SCYL1: variants seen among roughly 807,000 people sequenced by gnomAD.
The protein encoded by SCYL1 is N-terminal kinase-like protein.
In SCYL1, 85 loss-of-function variants were observed where a neutral mutation model predicts 94.8. That is an observed-to-expected ratio of 0.90 (90% CI 0.75 to 1.07). The LOEUF (loss-of-function observed/expected upper bound fraction) is 1.07. SCYL1 is among the 50% of genes least tolerant of loss of function. SCYL1 has a pLI of 0.00. For missense variants in SCYL1, 968 were observed against 1,083.3 expected, an observed-to-expected ratio of 0.89 and a Z score of 1.49; for synonymous variants, 459 against 435.5, an observed-to-expected ratio of 1.05 and a Z score of -0.67.
chr11:65,531,583 A>G lies in SCYL1; in HGVS notation c.1016A>G (p.Lys339Arg), dbSNP rs779972377. Residue 339 changes from lysine to arginine, a missense_variant, in exon 8 of 18, where the codon AAG becomes AGG. Lys to Arg is a conservative substitution (Grantham distance 26). This residue lies in a region of SCYL1 where 494 missense variants were observed against 619.7 expected (regional missense o/e 0.80). Transcript: ENST00000270176. ...ATCTTCCTGCCCTTTCAGGTGGGCA[A>G]GTTCCTGAGCGCTGAGGAGTATCAG... ...VVLTPLFKVGKFLSAEEYQQK... is the reference protein window; with the variant it reads ...VVLTPLFKVGRFLSAEEYQQK... 1.2e-6 allele frequency: 2 copies of G among 1,613,592 alleles called. No homozygotes were observed. Among genetic ancestry groups the G allele is most frequent in the Admixed American group, 3.3e-5 (2 of 60,008 alleles).
In SCYL1 at chr11:65,535,942, C is replaced by T. The variant is rs1306336841; in HGVS notation, c.1387-11C>T. 1.9e-6 allele frequency: 3 copies of T among 1,562,870 alleles called. No individual in the cohort carries two copies. The highest frequency in any genetic ancestry group is 1.4e-5 in the African/African-American group (1 of 73,342). ...CTACACTCAGGAGCCCTCTTTCCTG[C>T]CCCATCGTAGACCAGACACAGGGTC... On this transcript the variant is annotated splice_polypyrimidine_tract_variant and intron_variant, in intron 10 of 17. Transcript: ENST00000270176.
At chr11:65,531,426 A>G in intron 7 of SCYL1, 150 bp from the exon 8 acceptor site, 1 of 648,470 alleles carries the variant, frequency 1.5e-6, no homozygotes, top group Non-Finnish European at 2.8e-6. Flanking sequence ...GAGATGGAAT[A>G]TGGGTAGAGG....
At chr11:65,536,895 G>A in intron 13 of SCYL1, 91 bp from the exon 14 acceptor site, 2 of 1,266,620 alleles carry the variant, frequency 1.6e-6, no homozygotes, top group Non-Finnish European at 2.3e-6. Context: ...GGCTTCCTTG[G>A]TGCCCCTTCC....
rs1565067150 is a variant in SCYL1, at chr11:65,525,954, G to A, written c.286G>A (p.Val96Met). Reference protein sequence around the residue: ...EKCLHVVTEAVTPLGIYLKAR... With the variant: ...EKCLHVVTEAMTPLGIYLKAR... ...ATGCCTCCACGTCGTGACAGAGGCTGTGACCCCGTTGGGAATATACCTCAA... is the reference window on the plus strand; with the variant it reads ...ATGCCTCCACGTCGTGACAGAGGCTATGACCCCGTTGGGAATATACCTCAA... Residue 96 changes from valine to methionine, a missense_variant, in exon 3 of 18, where the codon GTG (valine) becomes ATG (methionine). This residue lies in a region of SCYL1 where 494 missense variants were observed against 619.7 expected (regional missense o/e 0.80). Transcript: ENST00000270176. 1 of 1,613,680 alleles carries A rather than the reference G, an allele frequency of 6.2e-7. No individual in the cohort carries two copies.
Position 65,526,417 on chromosome 11 carries a change from C to A in SCYL1, c.602+67C>A. The A allele has an allele frequency of 7.6e-7, 1 of 1,320,030 alleles. No homozygotes were observed. The highest frequency in any genetic ancestry group is 1.0e-6 in the Non-Finnish European group (1 of 958,760). 81.8% of individuals were successfully genotyped at this position (1,320,030 alleles called of 1,614,324 possible). A position where few individuals can be genotyped will look rare whatever the true frequency, so the allele number is the denominator to read the frequency against. On this transcript the variant is annotated intron_variant, in intron 4 of 17. Transcript: ENST00000270176. This position sits in a 1 kb window ranked among gnomAD's most constrained non-coding sequence, Gnocchi z 4.1. ...GGAGGCCCCTGCAGCCTCAGGACTC[C>A]TAGACTAGTTGGCACTCCCCTGTTC...
intron 7 of SCYL1, among the ~76,000 whole-genome samples, 174 bp downstream of exon 7, chr11:65,530,961 C>G (rs1315755216): frequency 6.6e-6 from 1 of 152,134 alleles, no homozygotes; most frequent in East Asian, 1.9e-4. Flanking sequence ...AGGAGAGACT[C>G]TGCCGCTAAA....
At chr11:65,533,821 G>A (rs1371061645) in intron 9 of SCYL1, among the ~76,000 whole-genome samples, 1 of 152,026 alleles carries the variant, frequency 6.6e-6, no homozygotes, top group African/African-American at 2.4e-5. Flanking sequence ...GGTGGCCCAT[G>A]CCTGTAATCC....
Position 65,526,482 on chromosome 11 carries a change from T to G in SCYL1, c.602+132T>G. ...GGGGAGGGAATCAGTGTCCCAGGAGTGAGGGACACTCCTCTGCCCCCAGGG... is the reference window on the plus strand; with the variant it reads ...GGGGAGGGAATCAGTGTCCCAGGAGGGAGGGACACTCCTCTGCCCCCAGGG... On this transcript the variant is annotated intron_variant, in intron 4 of 17. Transcript: ENST00000270176. The surrounding 1 kb of genome is among the most constrained non-coding windows in gnomAD (Gnocchi z 4.1). The G allele has an allele frequency of 1.3e-6, 1 of 771,328 alleles. No homozygotes were observed. Among genetic ancestry groups the G allele is most frequent in the Non-Finnish European group, 2.1e-6 (1 of 481,574 alleles). 47.8% of individuals were successfully genotyped at this position (771,328 alleles called of 1,614,324 possible).
At position 65,535,260 on chromosome 11, in the gene SCYL1, G is replaced by A; in HGVS notation, c.1264G>A (p.Ala422Thr). ...MLLLAPKLNE[A>T]NLNVELMKHF... is the part of the protein sequence containing the mutation. ...GCTCCTGGCCCCAAAGCTGAACGAGGCCAACCTCAATGTGGAGCTGATGAA... is the reference window on the plus strand; with the variant it reads ...GCTCCTGGCCCCAAAGCTGAACGAGACCAACCTCAATGTGGAGCTGATGAA... The change falls in exon 10 of 18, where the codon GCC (alanine) becomes ACC (threonine). Residue 422 changes from alanine (A) to threonine (T), a missense_variant. Ala to Thr is a moderately conservative substitution (Grantham distance 58, BLOSUM62 0). This residue lies in a region of SCYL1 where 494 missense variants were observed against 619.7 expected (regional missense o/e 0.80). Coordinates refer to ENST00000270176, the MANE Select transcript of SCYL1 (RefSeq NM_020680.4). 6.2e-7 allele frequency: 1 copy of A among 1,614,206 alleles called. No homozygotes were observed. The highest frequency in any genetic ancestry group is 8.5e-7 in the Non-Finnish European group (1 of 1,180,022).
intron 9 of SCYL1, among the ~76,000 whole-genome samples, chr11:65,534,542 A>G (rs1402169680): frequency 6.6e-6 from 1 of 152,176 alleles, no homozygotes; most frequent in Non-Finnish European, 1.5e-5. Flanking sequence ...TCTGTTAGGC[A>G]GCTGGATGGA....
At position 65,537,836 on chromosome 11, in the gene SCYL1, C is replaced by A. The variant is rs866497836; in HGVS notation, c.1987C>A (p.Gln663Lys). 2 of 1,571,746 alleles carry A rather than the reference C, an allele frequency of 1.3e-6. No homozygotes were observed. The highest frequency in any genetic ancestry group is 1.3e-5 in the African/African-American group (1 of 74,322). Reference sequence around the variant, plus strand: ...GGAGGCCGAGTCTGTGCTGGCCCAGCAGGACGACTGGAGCACCGGGGGCCA... The same window carrying A: ...GGAGGCCGAGTCTGTGCTGGCCCAGAAGGACGACTGGAGCACCGGGGGCCA... The part of the protein sequence containing the change: ...EQEAESVLAQ[Q>K]DDWSTGGQVS... The change falls in exon 15 of 18, where the codon CAG (glutamine) becomes AAG (lysine). Residue 663 changes from glutamine to lysine, a missense_variant. Gln to Lys is a moderately conservative substitution (Grantham distance 53). This residue lies in a region of SCYL1 where 474 missense variants were observed against 463.6 expected (regional missense o/e 1.02). Coordinates refer to ENST00000270176, the MANE Select transcript of SCYL1 (RefSeq NM_020680.4).
At position 65,526,100 on chromosome 11, in the gene SCYL1, C is replaced by G; in HGVS notation, c.376-24C>G. 2.5e-6 allele frequency: 4 copies of G among 1,611,846 alleles called. No homozygotes were observed. The highest frequency in any genetic ancestry group is 3.4e-6 in the Non-Finnish European group (4 of 1,179,136). ...GGATGGGGGGTTGCAGGTGCTGGGG[C>G]GTGATGGCTCCTTTTGCCCCCAGAA... On this transcript the variant is annotated intron_variant, in intron 3 of 17. Transcript: ENST00000270176. The surrounding 1 kb of genome is among the most constrained non-coding windows in gnomAD (Gnocchi z 4.1).
chr11:65,525,403 C>G (rs1855023319), intron 1 of SCYL1, 139 bp downstream of exon 1: 1 of 1,053,804 alleles, frequency 9.5e-7, no homozygotes. Flanking sequence ...CGGGCAGTGC[C>G]TACGTGGCGG....
chr11:65,529,037 A>C (rs559690832), intron 6 of SCYL1, among the ~76,000 whole-genome samples: 1 of 152,202 alleles, frequency 6.6e-6, no homozygotes, highest in African/African-American at 2.4e-5. Flanking sequence ...TGCTGTAGGG[A>C]GGAGGGAGGA....
chr11:65,532,294 G>A (rs1355649777), intron 8 of SCYL1, among the ~76,000 whole-genome samples: 1 of 152,032 alleles, frequency 6.6e-6, no homozygotes, highest in Non-Finnish European at 1.5e-5. Flanking sequence ...GTGCGGTGGT[G>A]GGTGCCTGTA....
At chr11:65,525,820 A>C in intron 2 of SCYL1, 101 bp from the exon 3 acceptor site, 3 of 1,578,312 alleles carry the variant, frequency 1.9e-6, no homozygotes, top group Non-Finnish European at 1.7e-6. Flanking sequence ...CAGCACCCCC[A>C]GATTTGGTTT....
chr11:65,536,548 C>A (rs775733535), intron 12 of SCYL1, 38 bp from the exon 13 acceptor site: 1 of 1,608,984 alleles, frequency 6.2e-7, no homozygotes, highest in Non-Finnish European at 8.5e-7. Flanking sequence ...GGGTGCCTGA[C>A]GTGCCCATAC....
chr11:65,526,983 C>A lies in SCYL1; in HGVS notation c.715C>A (p.His239Asn). The stretch of plus-strand genomic sequence containing the variant: ...ACAGATCCCCAAAACGCTGGTGCCC[C>A]ATTACTGTGAGCTGGTGGGAGCAAA... ...PGKIPKTLVP[H>N]YCELVGANPK... The change falls in exon 6 of 18, where the codon CAT (histidine) becomes AAT (asparagine). Residue 239 changes from histidine (H) to asparagine (N), a missense_variant. His to Asn is a moderately conservative substitution (Grantham distance 68, BLOSUM62 1). This residue lies in a region of SCYL1 where 494 missense variants were observed against 619.7 expected (regional missense o/e 0.80). Transcript: ENST00000270176. The surrounding 1 kb of genome is among the most constrained non-coding windows in gnomAD (Gnocchi z 4.1). 2 of 1,612,856 alleles carry A rather than the reference C, an allele frequency of 1.2e-6. No homozygotes were observed. The highest frequency in any genetic ancestry group is 1.7e-6 in the Non-Finnish European group (2 of 1,179,422).
At chr11:65,533,338 A>G (rs1384506237) in intron 9 of SCYL1, 3 of 151,124 alleles carry the variant, frequency 2.0e-5, no homozygotes, top group East Asian at 4.0e-4. Flanking sequence ...AGGAGACTCA[A>G]TTGAACCTGG....
Sources: allele counts gnomAD v4.1 joint callset (sites outside exome capture counted in the v4.1 genomes callset), GRCh38; gene constraint gnomAD v4.1.1; regional missense constraint gnomAD v4.1.1; non-coding constraint Gnocchi (gnomAD v3.1); transcripts MANE v1.5; gene names NCBI Gene and HGNC (gene_info 2026-07-23, HGNC 2026-07-21).